ZNF254: variants seen among roughly 807,000 people sequenced by gnomAD.
The protein encoded by ZNF254 is CTD-2017D11.1.
Under a neutral mutation model 12.4 loss-of-function variants are expected in ZNF254, and 10 were observed. The observed-to-expected ratio is 0.80, with a 90% CI of 0.50 to 1.36. The LOEUF is 1.36. ZNF254 is among the 40% of genes most tolerant of loss of function. ZNF254 has a pLI of 0.00. For missense variants in ZNF254, 996 were observed against 763.9 expected (o/e 1.30, Z -3.58); for synonymous variants, 305 against 253.4 (o/e 1.20, Z -1.93).
chr19:24,096,828 T>C (rs765957534), intron 1 of ZNF254, among the ~76,000 whole-genome samples: 1 of 152,242 alleles, frequency 6.6e-6, no homozygotes, highest in African/African-American at 2.4e-5. Context: ...GCTTTATTCA[T>C]GTGAACCCAT....
At chr19:24,082,523 G>A (rs1457147321), upstream of ZNF254, among the ~76,000 whole-genome samples, 1 of 120,506 alleles carries the variant, frequency 8.3e-6, no homozygotes, top group Admixed American at 9.3e-5. Context: ...GGTGGCGGGT[G>A]CCTGTAGTCC....
At chr19:24,122,411 G>A (rs1330250317) in intron 3 of ZNF254, among the ~76,000 whole-genome samples, 1 of 152,000 alleles carries the variant, frequency 6.6e-6, no homozygotes, top group Non-Finnish European at 1.5e-5. Context: ...TTTTATTAGA[G>A]ATGGGGTTTC....
chr19:24,078,808 C>T (rs1599655196), intron 2 of ZNF254: 2 of 152,274 alleles, frequency 1.3e-5, no homozygotes, highest in Non-Finnish European at 2.9e-5. Flanking sequence ...CTTAGACAGC[C>T]TGGCCTTTCC....
intron 2 of ZNF254, among the ~76,000 whole-genome samples, chr19:24,057,678 TTTACTC>T (rs1460062214): frequency 4.6e-5 from 7 of 152,168 alleles, no homozygotes; most frequent in Admixed American, 3.3e-4. Flanking sequence ...AGTTGGAAAA[TTTACTC>T]TTATAAGTGA....
chr19:24,124,311 A>G (rs1974685096), intron 3 of ZNF254, among the ~76,000 whole-genome samples: 1 of 152,106 alleles, frequency 6.6e-6, no homozygotes, highest in Admixed American at 6.6e-5. Context: ...ATATTCATTA[A>G]TGAATATTTA....
At chr19:24,110,765 A>G (rs555707999) in intron 3 of ZNF254, among the ~76,000 whole-genome samples, 10 of 152,250 alleles carry the variant, frequency 6.6e-5, no homozygotes, top group Admixed American at 2.6e-4. Context: ...AAATATTTAT[A>G]TAAGTAAAAT....
At chr19:24,121,378 A>G (rs955010471) in intron 3 of ZNF254, among the ~76,000 whole-genome samples, 5 of 152,056 alleles carry the variant, frequency 3.3e-5, no homozygotes, top group Non-Finnish European at 5.9e-5. Context: ...ATATTCTAGC[A>G]TATGCCACCA....
intron 1 of ZNF254, among the ~76,000 whole-genome samples, chr19:24,034,507 TTTTC>T (rs1454978255): frequency 1.0e-3 from 109 of 106,454 alleles, no homozygotes; most frequent in African/African-American, 3.1e-3. Context: ...TTTTTTTTTT[TTTTC>T]TTTTGTGCCA....
intron 1 of ZNF254, among the ~76,000 whole-genome samples, chr19:24,039,322 G>A (rs753257377): frequency 3.4e-4 from 52 of 152,358 alleles, no homozygotes; most frequent in Middle Eastern, 3.4e-3. Flanking sequence ...TTAGCCAAGG[G>A]AAGTTAGGGC....
At position 24,126,443 on chromosome 19, in the gene ZNF254, C is replaced by A; in HGVS notation, c.443C>A (p.Thr148Asn). 1 of 1,593,740 alleles carries A rather than the reference C, an allele frequency of 6.3e-7. No individual in the cohort carries two copies. The highest frequency in any genetic ancestry group is 8.5e-7 in the Non-Finnish European group (1 of 1,174,058). The change falls in exon 4 of 4, where the codon ACT (threonine) becomes AAT (asparagine). Residue 148 changes from threonine to asparagine, a missense_variant. Transcript: ENST00000357002. ...AATGGACTTAACCAGTGTTTCACAA[C>A]TGCCCAGAGCAAAGTATTTCAATGT... is the stretch of plus-strand genomic sequence containing the variant. ...GYNGLNQCFTTAQSKVFQCDK... is the reference protein window; with the variant it reads ...GYNGLNQCFTNAQSKVFQCDK...
chr19:24,036,047 C>CTTTTGTTTTG (rs74635617), intron 1 of ZNF254, among the ~76,000 whole-genome samples: 163 of 151,192 alleles, frequency 1.1e-3, no homozygotes, highest in South Asian at 3.0e-3. Flanking sequence ...AAGTATAATG[C>CTTTTGTTTTG]TTTTGTTTTG....
intron 3 of ZNF254, chr19:24,107,463 G>GT (rs1032766571): frequency 2.0e-3 from 664 of 339,518 alleles, no homozygotes; most frequent in Middle Eastern, 4.0e-3. Flanking sequence ...TTGTACATAA[G>GT]TTTTTTTTTC....
intron 2 of ZNF254, among the ~76,000 whole-genome samples, chr19:24,052,802 T>C (rs1181484534): frequency 1.3e-5 from 2 of 152,148 alleles, no homozygotes; most frequent in Non-Finnish European, 2.9e-5. Context: ...GTGATACATA[T>C]CTTATCCAAA....
chr19:24,088,241 A>G (rs1972151051), intron 1 of ZNF254, among the ~76,000 whole-genome samples: 1 of 152,098 alleles, frequency 6.6e-6, no homozygotes, highest in Admixed American at 6.6e-5. Context: ...AGGTGGGAAT[A>G]TCCTGGTTAT....
intron 2 of ZNF254, among the ~76,000 whole-genome samples, chr19:24,061,470 G>T (rs1568433090): frequency 6.6e-6 from 1 of 152,204 alleles, no homozygotes. Context: ...CCACAGGAAA[G>T]GTTGTAACAC....
intron 2 of ZNF254, among the ~76,000 whole-genome samples, chr19:24,081,379 C>T (rs1420187622): frequency 6.6e-6 from 1 of 152,090 alleles, no homozygotes; most frequent in Non-Finnish European, 1.5e-5. Context: ...ATGAGGAGTT[C>T]TATAAGCCAA....
intron 3 of ZNF254, among the ~76,000 whole-genome samples, chr19:24,113,990 AAGG>A (rs1445276670): frequency 6.6e-6 from 1 of 152,082 alleles, no homozygotes; most frequent in African/African-American, 2.4e-5. Flanking sequence ...GGACCTCTTC[AAGG>A]AGAACTACAA....
chr19:24,124,823 G>C (rs1339456909), intron 3 of ZNF254, among the ~76,000 whole-genome samples: 1 of 150,188 alleles, frequency 6.7e-6, no homozygotes, highest in East Asian at 2.0e-4. Flanking sequence ...AGCCAGGCTT[G>C]AGTGTAGTGG....
At position 24,127,249 on chromosome 19, in the gene ZNF254, C is replaced by T. The variant is rs941342836; in HGVS notation, c.1249C>T (p.Arg417Ter). 6.8e-6 allele frequency: 11 copies of T among 1,612,012 alleles called. No individual in the cohort carries two copies. Among genetic ancestry groups the T allele is most frequent in the Admixed American group, 1.7e-5 (1 of 59,688 alleles). Residue 417 changes from arginine (R) to a stop codon, truncating the protein, a stop_gained, in exon 4 of 4, where the codon CGA becomes TGA. Coordinates refer to ENST00000357002, the MANE Select transcript of ZNF254 (RefSeq NM_203282.4). LOFTEE classifies it low-confidence loss of function (END_TRUNC). Reference sequence around the variant, plus strand: ...TGAAGAATGCGGCAAAGGTTTTAATCGATCTTCAAATCTTACTACACATAA... The same window carrying T: ...TGAAGAATGCGGCAAAGGTTTTAATTGATCTTCAAATCTTACTACACATAA... ...KCEECGKGFN[R>*]SSNLTTHKII...
Sources: allele counts gnomAD v4.1 joint callset (sites outside exome capture counted in the v4.1 genomes callset), GRCh38; gene constraint gnomAD v4.1.1; transcripts MANE v1.5; gene names NCBI Gene and HGNC (gene_info 2026-07-23, HGNC 2026-07-21).